Variants in PDCD11 observed in about 807,000 individuals in gnomAD.
The protein encoded by PDCD11 is protein RRP5 homolog.
Under a neutral mutation model 198.9 loss-of-function variants are expected in PDCD11, and 97 were observed. That is an observed-to-expected ratio of 0.49 (90% CI 0.41 to 0.58). The LOEUF is 0.58. PDCD11 is among the 20% of genes least tolerant of loss of function. PDCD11 has a pLI of 0.00. For synonymous variants in PDCD11, 893 were observed against 918.0 expected, an observed-to-expected ratio of 0.97 and a Z score of 0.49; for missense variants, 2,102 against 2,312.7, an observed-to-expected ratio of 0.91 and a Z score of 1.87.
In PDCD11 at chr10:103,443,220, T is replaced by C. The variant is rs767338666; in HGVS notation, c.5011T>C (p.Tyr1671His). Residue 1671 changes from tyrosine (Y) to histidine (H), a missense_variant, in exon 33 of 36, where the codon TAC (tyrosine) becomes CAC (histidine). By Grantham distance (83) the Tyr-to-His change is moderately conservative. Transcript: ENST00000369797. The part of the protein sequence containing the change: ...WVALLNLENM[Y>H]GSQESLTKVF... ...GGCTCTGCTGAACCTGGAGAACATG[T>C]ACGGCTCTCAGGAGTCCCTGACCAA... 8.1e-6 allele frequency: 13 copies of C among 1,610,794 alleles called. No homozygotes were observed. Among genetic ancestry groups the C allele is most frequent in the Non-Finnish European group, 1.1e-5 (13 of 1,177,464 alleles).
chr10:103,414,642 T>A (rs1173145715), intron 11 of PDCD11, among the ~76,000 whole-genome samples: 2 of 152,190 alleles, frequency 1.3e-5, no homozygotes, highest in African/African-American at 4.8e-5. Flanking sequence ...GGGATATTAG[T>A]GAGAAGCCAG....
chr10:103,419,541 C>G lies in PDCD11; in HGVS notation c.2110C>G (p.Leu704Val). The stretch of plus-strand genomic sequence containing the variant: ...TTCCTTGATGAAGTACCACTAGCTT[C>G]TTTGCAGGAAGCCAGCCTTGGTCTC... ...CLSQSEGRVL[L>V]CRKPALVSTV... is the part of the protein sequence containing the mutation. Residue 704 changes from leucine (L) to valine (V), a missense_variant, in exon 16 of 36, where the codon CTT becomes GTT. By Grantham distance (32) the Leu-to-Val change is conservative. Coordinates refer to ENST00000369797, the MANE Select transcript of PDCD11 (RefSeq NM_014976.2). 2 of 1,613,208 alleles carry G rather than the reference C, an allele frequency of 1.2e-6. No homozygotes were observed. Among genetic ancestry groups the G allele is most frequent in the South Asian group, 2.2e-5 (2 of 90,902 alleles).
At position 103,440,512 on chromosome 10, in the gene PDCD11, G is replaced by C. The variant is rs755931351; in HGVS notation, c.4371G>C (p.Lys1457Asn). The C allele has an allele frequency of 4.6e-5, 75 of 1,613,510 alleles. No individual in the cohort carries two copies. The highest frequency in any genetic ancestry group is 6.3e-5 in the Non-Finnish European group (74 of 1,179,988). ...AGGTGGAGATGCCCAGCAAGGAGAA[G>C]CAACAGCCCCAGAAGCCACAGGCGC... ...QEEVEMPSKE[K>N]QQPQKPQAQK... is the part of the protein sequence containing the mutation. The change falls in exon 29 of 36, where the codon AAG becomes AAC. Residue 1457 changes from lysine (K) to asparagine (N), a missense_variant. Coordinates refer to ENST00000369797, the MANE Select transcript of PDCD11 (RefSeq NM_014976.2).
intron 20 of PDCD11, among the ~76,000 whole-genome samples, chr10:103,426,053 C>T (rs1479415703): frequency 6.6e-6 from 1 of 152,178 alleles, no homozygotes; most frequent in Non-Finnish European, 1.5e-5. Flanking sequence ...TTAACTGTGA[C>T]CATGTGGCAG....
chr10:103,424,062 G>A (rs745390089), intron 19 of PDCD11, among the ~76,000 whole-genome samples: 1 of 152,194 alleles, frequency 6.6e-6, no homozygotes, highest in Non-Finnish European at 1.5e-5. Context: ...TGATTTTTAA[G>A]AGAAGGCAGA....
chr10:103,409,526 G>T (rs1161525668), intron 7 of PDCD11, among the ~76,000 whole-genome samples, 173 bp from the exon 8 acceptor site: 1 of 152,142 alleles, frequency 6.6e-6, no homozygotes, highest in Non-Finnish European at 1.5e-5. Context: ...GCCAGTGCAG[G>T]AATTGTTCTG....
chr10:103,412,663 C>T (rs1248630745), intron 8 of PDCD11, among the ~76,000 whole-genome samples: 2 of 152,156 alleles, frequency 1.3e-5, no homozygotes, highest in Admixed American at 6.5e-5. Context: ...TGAGGTTTCG[C>T]CATGTTGGCT....
Position 103,416,490 on chromosome 10 carries a change from G to C in PDCD11, c.1519-1G>C, listed in dbSNP as rs372920301. ...GATGACAGCCTGTGTCCCTCCCCTA[G>C]GTTTTGCTTTGTGACCCTGAAGCCA... On this transcript the variant is annotated splice_acceptor_variant, in intron 12 of 35. Transcript: ENST00000369797. LOFTEE classifies it high-confidence loss of function. 1 of 1,613,814 alleles carries C rather than the reference G, an allele frequency of 6.2e-7. No individual in the cohort carries two copies. Among genetic ancestry groups the C allele is most frequent in the African/African-American group, 1.3e-5 (1 of 74,890 alleles).
rs1225555233 is a variant in PDCD11 at position 103,445,530 on chromosome 10, G to A, written c.5597G>A (p.Ser1866Asn). Residue 1866 changes from serine (S) to asparagine (N), a missense_variant, in exon 36 of 36, where the codon AGC becomes AAC. Transcript: ENST00000369797. ...GCCCTGGAGTATGTGGAGGCCAAGAGCTCAGTGCTAGAGGACTAGTGGCAG... is the reference window on the plus strand; with the variant it reads ...GCCCTGGAGTATGTGGAGGCCAAGAACTCAGTGCTAGAGGACTAGTGGCAG... The part of the protein sequence containing the change: ...AKALEYVEAK[S>N]SVLED The A allele has an allele frequency of 6.2e-7, 1 of 1,613,726 alleles. No individual in the cohort carries two copies. The highest frequency in any genetic ancestry group is 8.5e-7 in the Non-Finnish European group (1 of 1,180,040).
In PDCD11 at chr10:103,400,507, G is replaced by A; in HGVS notation, c.213G>A (p.Lys71=). 6.2e-7 allele frequency: 1 copy of A among 1,613,938 alleles called. No homozygotes were observed. The highest frequency in any genetic ancestry group is 8.5e-7 in the Non-Finnish European group (1 of 1,179,952). ...AAAGCAGCAAGTCCGCAAGAGAGAA[G>A]TTTGAAATCCTTAGTGTTGAGGTTT... ...KRESSKSARE[K]FEILSVESLC... is the part of the protein sequence containing the mutation. Residue 71 remains lysine (K), a synonymous_variant, in exon 3 of 36, where the codon AAG becomes AAA. Transcript: ENST00000369797.
rs1471461546 is a variant in PDCD11, at chr10:103,438,809, G to A, written c.4025+1G>A. On this transcript the variant is annotated splice_donor_variant, in intron 27 of 35. Coordinates refer to ENST00000369797, the MANE Select transcript of PDCD11 (RefSeq NM_014976.2). LOFTEE classifies it high-confidence loss of function. ...TCCAGCCACACGGTGTGTTCTTTCG[G>A]TGAGTGAGGGGGGCTCTGCACCCGG... is the stretch of plus-strand genomic sequence containing the variant. The A allele has an allele frequency of 8.1e-6, 13 of 1,613,718 alleles. No individual in the cohort carries two copies. The highest frequency in any genetic ancestry group is 1.0e-5 in the Non-Finnish European group (12 of 1,180,016).
At chr10:103,422,011 A>G (rs2031464063) in intron 17 of PDCD11, among the ~76,000 whole-genome samples, 1 of 146,976 alleles carries the variant, frequency 6.8e-6, no homozygotes, top group African/African-American at 2.5e-5. Context: ...AAATTGGGTT[A>G]ACTTTTTTTT....
intron 25 of PDCD11, among the ~76,000 whole-genome samples, 173 bp from the exon 26 acceptor site, chr10:103,437,842 G>A (rs190156884): frequency 1.3e-5 from 2 of 152,110 alleles, no homozygotes; most frequent in African/African-American, 2.4e-5. Context: ...CAGAGGTGAC[G>A]TGACTTGTCC....
intron 18 of PDCD11, 78 bp from the exon 19 acceptor site, chr10:103,423,465 A>G: frequency 9.3e-7 from 1 of 1,078,770 alleles, no homozygotes; most frequent in Non-Finnish European, 1.4e-6. Context: ...TCTAAGGGGT[A>G]GCAGCTACAT....
intron 29 of PDCD11, 66 bp downstream of exon 29, chr10:103,440,647 G>C (rs2032344974): frequency 6.2e-7 from 1 of 1,611,702 alleles, no homozygotes; most frequent in Non-Finnish European, 8.5e-7. Context: ...GAGGGCGTGG[G>C]GACAGGGCAC....
chr10:103,413,351 A>T (rs747257958), intron 9 of PDCD11, 29 bp downstream of exon 9: 11 of 1,573,136 alleles, frequency 7.0e-6, no homozygotes, highest in South Asian at 2.2e-5. Context: ...TTGGTCAGGG[A>T]TCTTATCACT....
chr10:103,401,768 C>T (rs532018460), intron 3 of PDCD11, among the ~76,000 whole-genome samples: 19 of 151,484 alleles, frequency 1.3e-4, no homozygotes, highest in Middle Eastern at 3.4e-3. Flanking sequence ...GACGGAGTCT[C>T]GCACAGTCGC....
At position 103,413,170 on chromosome 10, in the gene PDCD11, C is replaced by T; in HGVS notation, c.1033C>T (p.Leu345=). 1 of 1,614,162 alleles carries T rather than the reference C, an allele frequency of 6.2e-7. No homozygotes were observed. Among genetic ancestry groups the T allele is most frequent in the Non-Finnish European group, 8.5e-7 (1 of 1,180,020 alleles). The change falls in exon 9 of 36, where the codon CTG becomes TTG. Residue 345 remains leucine (L), a synonymous_variant. Coordinates refer to ENST00000369797, the MANE Select transcript of PDCD11 (RefSeq NM_014976.2). ...TCGAACCAGAGTTGTGCACCTGAGC[C>T]TGCGCCCCATCTTCCTACAGCCTGG... ...HPRTRVVHLS[L]RPIFLQPGRP...
chr10:103,408,472 CTG>C (rs1357329179), intron 7 of PDCD11, among the ~76,000 whole-genome samples: 4 of 152,108 alleles, frequency 2.6e-5, no homozygotes, highest in Non-Finnish European at 4.4e-5. Flanking sequence ...TACTAAAAAA[CTG>C]TGAGCAAGTC....
Sources: gnomAD v4.1 joint callset for allele counts (sites outside exome capture counted in the v4.1 genomes callset) on GRCh38, gnomAD v4.1.1 for gene constraint, MANE v1.5 for transcripts, NCBI Gene and HGNC (gene_info 2026-07-23, HGNC 2026-07-21) for gene names.